The following CWF19L2 variants were observed in gnomAD, a reference collection of about 807,000 sequenced individuals.
CWF19L2 encodes the protein CWF19 like cell cycle control factor 2.
A neutral mutation model predicts 111.7 loss-of-function variants in CWF19L2; 98 were observed. The ratio of observed to expected loss-of-function variants is 0.88; its 90% CI spans 0.75 to 1.04. The LOEUF (loss-of-function observed/expected upper bound fraction) is 1.04. Among genes scored for constraint, CWF19L2 ranks in the 50% least tolerant of loss-of-function variants. CWF19L2 has a pLI of 0.00. For missense variants in CWF19L2, 1,101 were observed against 1,051.4 expected, an observed-to-expected ratio of 1.05 and a Z score of -0.65; for synonymous variants, 351 against 342.9, an observed-to-expected ratio of 1.02 and a Z score of -0.26.
chr11:107,388,328 T>C (rs1254012394), intron 12 of CWF19L2, among the ~76,000 whole-genome samples: 1 of 152,210 alleles, frequency 6.6e-6, no homozygotes, highest in East Asian at 1.9e-4. Flanking sequence ...CCAACTAAAA[T>C]GGTATCTGAC....
intron 10 of CWF19L2, among the ~76,000 whole-genome samples, chr11:107,408,745 A>G (rs1488961933): frequency 6.6e-6 from 1 of 151,922 alleles, no homozygotes; most frequent in Non-Finnish European, 1.5e-5. Flanking sequence ...TTGGCTGGGG[A>G]AAAAACTAGC....
rs1036016750 is a variant in CWF19L2, at chr11:107,371,672, C to A, written c.1873-17936G>T. Among the ~76,000 whole-genome samples the A allele has an allele frequency of 4.4e-5, 6 of 137,120 alleles. 1 individual carries two copies. The highest frequency in any genetic ancestry group is 7.8e-5 in the Non-Finnish European group (5 of 64,176). The allele number at this position is 137,120 out of a possible 152,430, so 90.0% of individuals were successfully genotyped here. On this transcript the variant is annotated intron_variant, in intron 12 of 17. Coordinates refer to ENST00000282251, the MANE Select transcript of CWF19L2 (RefSeq NM_152434.3). ...TTTATATTCAATTCTTGATTCTGTG[C>A]ACTACAAATTAATCACATGTTCCAG...
At chr11:107,371,301 C>A (rs12800923) in intron 12 of CWF19L2, among the ~76,000 whole-genome samples, 28,059 of 136,676 alleles carry the variant, frequency 0.21, 7,017 homozygotes, top group Middle Eastern at 0.35. Flanking sequence ...CCACGCCCGG[C>A]CTCTAGTTTC....
chr11:107,334,666 G>A (rs1374107205), intron 16 of CWF19L2, among the ~76,000 whole-genome samples: 1 of 152,190 alleles, frequency 6.6e-6, no homozygotes, highest in African/African-American at 2.4e-5. Context: ...AAGGCCAAAG[G>A]TCAGGAAGAA....
intron 12 of CWF19L2, among the ~76,000 whole-genome samples, chr11:107,378,560 T>G (rs1046401139): frequency 9.2e-5 from 14 of 152,116 alleles, no homozygotes; most frequent in Admixed American, 9.2e-4. Flanking sequence ...AGGTGGGAAT[T>G]GAACAATGAG....
At chr11:107,403,543 A>C (rs1861036392) in intron 10 of CWF19L2, 1 of 803,012 alleles carries the variant, frequency 1.2e-6, no homozygotes, top group Non-Finnish European at 2.2e-6. Flanking sequence ...CCTTGTCCTC[A>C]GTAGTAGACG....
At chr11:107,351,812 C>G (rs1319459556) in intron 13 of CWF19L2, among the ~76,000 whole-genome samples, 1 of 152,112 alleles carries the variant, frequency 6.6e-6, no homozygotes, top group Non-Finnish European at 1.5e-5. Flanking sequence ...CTCAAGAGGC[C>G]TTGTGTACTT....
chr11:107,428,011 A>G (rs1861404852), intron 8 of CWF19L2, among the ~76,000 whole-genome samples: 1 of 152,118 alleles, frequency 6.6e-6, no homozygotes, highest in African/African-American at 2.4e-5. Flanking sequence ...ATTATTTCCT[A>G]AAACCTCTTC....
At chr11:107,450,767 T>C (rs541976453) in intron 3 of CWF19L2, among the ~76,000 whole-genome samples, 5 of 152,240 alleles carry the variant, frequency 3.3e-5, no homozygotes, top group East Asian at 1.9e-4. Context: ...ACAAGAGTAT[T>C]ACCAAAGATA....
intron 2 of CWF19L2, among the ~76,000 whole-genome samples, chr11:107,455,045 T>C (rs951642693): frequency 6.6e-5 from 10 of 152,084 alleles, no homozygotes; most frequent in Non-Finnish European, 1.3e-4. Context: ...AAAGGGAAGA[T>C]GTTGATCAAA....
At chr11:107,342,624 T>A (rs1280620387) in intron 14 of CWF19L2, among the ~76,000 whole-genome samples, 2 of 152,036 alleles carry the variant, frequency 1.3e-5, no homozygotes, top group Non-Finnish European at 2.9e-5. Flanking sequence ...TTAAGTGGAG[T>A]GTTATACAAA....
rs563727912 is a variant in CWF19L2, at chr11:107,373,705, C to A, written c.1872+16369G>T. Among the ~76,000 whole-genome samples the A allele has an allele frequency of 1.5e-5, 2 of 132,924 alleles. 1 individual carries two copies. The highest frequency in any genetic ancestry group is 1.5e-4 in the Admixed American group (2 of 13,640). 87.2% of individuals were successfully genotyped at this position (132,924 alleles called of 152,430 possible). A position where few individuals can be genotyped will look rare whatever the true frequency, so the allele number is the denominator to read the frequency against. ...CAGAAAAACTGGAAACTCTAAAAAG[C>A]AGAGCGCCTCTCCTCCTCCAAAGGA... is the stretch of plus-strand genomic sequence containing the variant. On this transcript the variant is annotated intron_variant, in intron 12 of 17. Transcript: ENST00000282251.
intron 14 of CWF19L2, among the ~76,000 whole-genome samples, chr11:107,339,697 G>A (rs1411351275): frequency 1.5e-5 from 2 of 129,724 alleles, no homozygotes; most frequent in African/African-American, 6.0e-5. Flanking sequence ...ATGGAGTCTC[G>A]CTCTGTCACC....
At position 107,455,722 on chromosome 11, in the gene CWF19L2, C is replaced by A; in HGVS notation, c.160G>T (p.Gly54Cys). The A allele has an allele frequency of 6.4e-7, 1 of 1,551,288 alleles. No homozygotes were observed. The highest frequency in any genetic ancestry group is 2.4e-5 in the East Asian group (1 of 40,894). Residue 54 changes from glycine (G) to cysteine (C), a missense_variant, in exon 2 of 18, where the codon GGT (glycine) becomes TGT (cysteine). By Grantham distance (159) the Gly-to-Cys change is radical (BLOSUM62 -3). Coordinates refer to ENST00000282251, the MANE Select transcript of CWF19L2 (RefSeq NM_152434.3). ...ERRKELKRLRGEDTWMLPDVN... is the reference protein window; with the variant it reads ...ERRKELKRLRCEDTWMLPDVN... ...TCAGGTAGCATCCATGTATCCTCAC[C>A]CCGAAGTCGCTTAAGTTCTTTACGC...
chr11:107,358,298 T>C lies in CWF19L2; in HGVS notation c.1873-4562A>G, dbSNP rs556313549. ...GGCCACATTGGAAGAAGAACCATCTTGGGCCCCACATAAAATACACTAACA... is the reference window on the plus strand; with the variant it reads ...GGCCACATTGGAAGAAGAACCATCTCGGGCCCCACATAAAATACACTAACA... On this transcript the variant is annotated intron_variant, in intron 12 of 17. Transcript: ENST00000282251. 4.0e-5 allele frequency among the ~76,000 whole-genome samples: 6 copies of C among 151,810 alleles called. No homozygotes were observed. In the South Asian group the frequency reaches 1.0e-3, roughly 26 times the overall value.
Position 107,353,734 on chromosome 11 carries a change from A to G in CWF19L2, c.1875T>C (p.Phe625=). ...AATAGTCTCCATCTGTTTTTCCCAT[A>G]AACTGAAAAACCAAAATAACAGTAA... is the stretch of plus-strand genomic sequence containing the variant. The part of the protein sequence containing the change: ...NKLFMRMASK[F]MGKTDGDYYT... The change falls in exon 13 of 18, where the codon TTT becomes TTC. Residue 625 remains phenylalanine (F), a splice_region_variant and synonymous_variant. Coordinates refer to ENST00000282251, the MANE Select transcript of CWF19L2 (RefSeq NM_152434.3). The G allele has an allele frequency of 6.2e-7, 1 of 1,613,152 alleles. No individual in the cohort carries two copies. The highest frequency in any genetic ancestry group is 8.5e-7 in the Non-Finnish European group (1 of 1,179,276).
chr11:107,354,533 A>G (rs1173135639), intron 12 of CWF19L2, among the ~76,000 whole-genome samples: 3 of 152,180 alleles, frequency 2.0e-5, no homozygotes, highest in Non-Finnish European at 1.5e-5. Flanking sequence ...CCAATTTTGG[A>G]ATATTTGCAT....
chr11:107,348,625 CTGT>C (rs1250387360), intron 14 of CWF19L2: 4 of 162,994 alleles, frequency 2.5e-5, no homozygotes, highest in Admixed American at 1.3e-4. Context: ...TATTGGCTTA[CTGT>C]GGTAAGAATG....
At chr11:107,384,367 C>T (rs631063) in intron 12 of CWF19L2, among the ~76,000 whole-genome samples, 81,801 of 152,036 alleles carry the variant, frequency 0.54, 23,069 homozygotes, top group African/African-American at 0.72. Flanking sequence ...ATGATTCATA[C>T]ATACCTAATA....
Sources: gnomAD v4.1 joint callset for allele counts (sites outside exome capture counted in the v4.1 genomes callset) on GRCh38, gnomAD v4.1.1 for gene constraint, MANE v1.5 for transcripts, NCBI Gene and HGNC (gene_info 2026-07-23, HGNC 2026-07-21) for gene names.